The following SLC44A3 variants were observed in gnomAD, a reference collection of about 807,000 sequenced individuals.
SLC44A3 encodes the protein solute carrier family 44 member 3.
SLC44A3 carries 74 observed loss-of-function variants against 75.4 expected under a neutral mutation model. The observed-to-expected ratio is 0.98, with a 90% CI of 0.81 to 1.19. SLC44A3 has a LOEUF of 1.19. Among genes scored for constraint, SLC44A3 ranks in the 50% most tolerant of loss-of-function variants. The probability of loss-of-function intolerance (pLI) is 0.00; values close to 1 mark genes in which losing one functional copy is unlikely to be tolerated. For synonymous variants in SLC44A3, 310 were observed against 296.9 expected (o/e 1.04, Z -0.45); for missense variants, 700 against 778.6 (o/e 0.90, Z 1.20).
At chr1:94,857,547 T>A (rs780377308) in intron 10 of SLC44A3, 47 bp downstream of exon 10, 1 of 1,524,108 alleles carries the variant, frequency 6.6e-7, no homozygotes, top group Non-Finnish European at 8.8e-7. Flanking sequence ...GTGGTTTATC[T>A]ATGTGCTTCA....
At chr1:94,850,354 G>A (rs1665053712) in intron 9 of SLC44A3, among the ~76,000 whole-genome samples, 1 of 152,156 alleles carries the variant, frequency 6.6e-6, no homozygotes, top group Non-Finnish European at 1.5e-5. Context: ...AATCTGGTAG[G>A]TTGGAAAGAG....
At chr1:94,892,567 A>C (rs760142493) in intron 14 of SLC44A3, 50 bp downstream of exon 14, 3 of 1,556,354 alleles carry the variant, frequency 1.9e-6, no homozygotes, top group Non-Finnish European at 2.7e-6. Flanking sequence ...CGCAATCTTG[A>C]AAGTTTTGTA....
At chr1:94,858,156 T>G (rs1018879432) in intron 10 of SLC44A3, among the ~76,000 whole-genome samples, 1 of 152,158 alleles carries the variant, frequency 6.6e-6, no homozygotes, top group Non-Finnish European at 1.5e-5. Context: ...AACTCCCCTA[T>G]GAATATCCAT....
chr1:94,886,843 G>A (rs6541374), intron 12 of SLC44A3, among the ~76,000 whole-genome samples: 45,633 of 151,782 alleles, frequency 0.3, 7,686 homozygotes, highest in African/African-American at 0.46. Context: ...TGAGAATTGG[G>A]ACATAATATT....
chr1:94,836,922 A>G (rs1416880761), intron 5 of SLC44A3: 1 of 34,500 alleles, frequency 2.9e-5, no homozygotes, highest in Non-Finnish European at 6.9e-5. Context: ...ACAAAAAAAA[A>G]AAAAAAAAAA....
intron 14 of SLC44A3, 63 bp from the exon 15 acceptor site, chr1:94,894,755 G>GCCCCTACTA (rs1670591925): frequency 1.4e-6 from 2 of 1,387,284 alleles, no homozygotes; most frequent in Admixed American, 4.0e-5. Flanking sequence ...TTTTCCCTCG[G>GCCCCTACTA]CCCCTACGTT....
chr1:94,888,548 C>A, intron 12 of SLC44A3: 1 of 452,954 alleles, frequency 2.2e-6, no homozygotes, highest in Non-Finnish European at 2.9e-6. Flanking sequence ...CAAACTGGAG[C>A]AGCTTTCCAG....
chr1:94,848,714 C>G (rs1471933335), intron 9 of SLC44A3, among the ~76,000 whole-genome samples: 2 of 152,102 alleles, frequency 1.3e-5, no homozygotes, highest in Non-Finnish European at 1.5e-5. Context: ...GGTCGACTCT[C>G]TGCCCTCAGT....
intron 10 of SLC44A3, among the ~76,000 whole-genome samples, chr1:94,859,751 G>A (rs976358484): frequency 1.3e-5 from 2 of 152,142 alleles, no homozygotes; most frequent in African/African-American, 4.8e-5. Flanking sequence ...GTAAGTGAAA[G>A]CCTAAACACT....
At chr1:94,885,712 C>T (rs1459475355) in intron 12 of SLC44A3, among the ~76,000 whole-genome samples, 1 of 152,202 alleles carries the variant, frequency 6.6e-6, no homozygotes, top group Non-Finnish European at 1.5e-5. Flanking sequence ...CTTTACCTCT[C>T]TGTGCTTTAG....
intron 10 of SLC44A3, among the ~76,000 whole-genome samples, chr1:94,862,563 T>C (rs769804738): frequency 2.0e-5 from 3 of 152,206 alleles, no homozygotes; most frequent in Non-Finnish European, 4.4e-5. Flanking sequence ...GCTTCGTTGT[T>C]CTGGGAGCCA....
In SLC44A3 at chr1:94,827,375, GC is replaced by G. The variant is rs1661512687; in HGVS notation, c.279-131del. 1.4e-5 allele frequency: 16 copies of G among 1,165,432 alleles called. No individual in the cohort carries two copies. The South Asian group carries it at 2.3e-4, about 17-fold the overall frequency. 72.2% of individuals were successfully genotyped at this position (1,165,432 alleles called of 1,614,324 possible). ...GTAGGCATCATAAATGTTCAATTAT[GC>G]TGAAACAATTATGAAAGTGTGCCTG... is the stretch of plus-strand genomic sequence containing the variant. On this transcript the variant is annotated intron_variant, in intron 3 of 14. Transcript: ENST00000271227.
At position 94,842,107 on chromosome 1, in the gene SLC44A3, G is replaced by A. The variant is rs186467911; in HGVS notation, c.868G>A (p.Val290Ile). 177 of 1,609,880 alleles carry A rather than the reference G, an allele frequency of 1.1e-4. No homozygotes were observed. In the Middle Eastern group the frequency reaches 2.2e-3, roughly 20 times the overall value. The change falls in exon 8 of 15, where the codon GTA (valine) becomes ATA (isoleucine). Residue 290 changes from valine (V) to isoleucine (I), a missense_variant. Coordinates refer to ENST00000271227, the MANE Select transcript of SLC44A3 (RefSeq NM_001114106.3). ...GAAGTGCGTGCTGGGGTTTGCTATC[G>A]TATCCACAGGCATCACGGTAAGAAA... ...NMKCVLGFAI[V>I]STGITAVLLV...
chr1:94,860,719 G>A (rs1349492946), intron 10 of SLC44A3, among the ~76,000 whole-genome samples: 1 of 152,194 alleles, frequency 6.6e-6, no homozygotes, highest in Non-Finnish European at 1.5e-5. Flanking sequence ...TACCAGTCAA[G>A]GGTAAAGAAG....
At chr1:94,857,795 G>A (rs887033166) in intron 10 of SLC44A3, among the ~76,000 whole-genome samples, 1 of 147,364 alleles carries the variant, frequency 6.8e-6, no homozygotes, top group Non-Finnish European at 1.5e-5. Context: ...GGGCTGCTCT[G>A]CCTATGGAGT....
At chr1:94,825,946 A>C (rs1221969861) in intron 3 of SLC44A3, 1 of 456,086 alleles carries the variant, frequency 2.2e-6, no homozygotes, top group Non-Finnish European at 4.4e-6. Context: ...GGTTGAAGTG[A>C]GTATACATTC....
chr1:94,822,491 T>C (rs951778817), intron 2 of SLC44A3, among the ~76,000 whole-genome samples: 1 of 152,192 alleles, frequency 6.6e-6, no homozygotes. Flanking sequence ...GTTTTGTTTT[T>C]GGACTTTTTT....
rs1670160568 is a variant in SLC44A3 at position 94,891,119 on chromosome 1, TTC to T, written c.1483-9_1483-8del. 1.9e-6 allele frequency: 3 copies of T among 1,589,586 alleles called. No homozygotes were observed. The South Asian group carries it at 3.4e-5, about 18-fold the overall frequency. ...AAGAATTATCTTTTAAACAATTCTC[TTC>T]TGTTTCAGAATGCATATACTACAAC... On this transcript the variant is annotated splice_polypyrimidine_tract_variant and intron_variant, in intron 12 of 14. Coordinates refer to ENST00000271227, the MANE Select transcript of SLC44A3 (RefSeq NM_001114106.3).
At chr1:94,871,436 T>C (rs1667756939) in intron 12 of SLC44A3, among the ~76,000 whole-genome samples, 1 of 152,240 alleles carries the variant, frequency 6.6e-6, no homozygotes, top group Admixed American at 6.5e-5. Flanking sequence ...GCCTCCCCTC[T>C]CCCTCCCAGC....
Sources: gnomAD v4.1 joint callset for allele counts (sites outside exome capture counted in the v4.1 genomes callset) on GRCh38, gnomAD v4.1.1 for gene constraint, MANE v1.5 for transcripts, NCBI Gene and HGNC (gene_info 2026-07-23, HGNC 2026-07-21) for gene names.